ANKRD6: variants seen among roughly 807,000 people sequenced by gnomAD.
ANKRD6 encodes the protein ankyrin repeat domain 6, also known as ankyrin repeat domain-containing protein 6.
Under a neutral mutation model 82.3 loss-of-function variants are expected in ANKRD6, and 56 were observed. That is an observed-to-expected ratio of 0.68 (90% CI 0.55 to 0.85). The LOEUF (loss-of-function observed/expected upper bound fraction) is 0.85. Ranked by LOEUF, ANKRD6 falls within the 40% of genes least tolerant of loss-of-function variation. ANKRD6 has a pLI of 0.00. For synonymous variants in ANKRD6, 347 were observed against 352.1 expected (o/e 0.99, Z 0.16); for missense variants, 852 against 907.6 (o/e 0.94, Z 0.79).
intron 1 of ANKRD6, among the ~76,000 whole-genome samples, chr6:89,497,860 A>T (rs1194134141): frequency 6.6e-6 from 1 of 152,210 alleles, no homozygotes; most frequent in Non-Finnish European, 1.5e-5. Context: ...TCCTAATGCC[A>T]TTTAGTGATC....
At chr6:89,582,926 G>A (rs946331728) in intron 2 of ANKRD6, among the ~76,000 whole-genome samples, 2 of 152,214 alleles carry the variant, frequency 1.3e-5, no homozygotes, top group Admixed American at 6.5e-5. Context: ...CAACGGATGG[G>A]AGTTGCTATT....
At chr6:89,555,005 C>G (rs563589168) in intron 1 of ANKRD6, among the ~76,000 whole-genome samples, 39 of 151,584 alleles carry the variant, frequency 2.6e-4, no homozygotes, top group Admixed American at 1.1e-3. Flanking sequence ...ATTTCTCCCT[C>G]TCCGCCTCTC....
In ANKRD6 at chr6:89,613,880, A is replaced by C. The variant is rs766948650; in HGVS notation, c.605A>C (p.Glu202Ala). The C allele has an allele frequency of 1.2e-6, 2 of 1,613,926 alleles. No individual in the cohort carries two copies. Among genetic ancestry groups the C allele is most frequent in the Non-Finnish European group, 1.7e-6 (2 of 1,179,878 alleles). ...CTCACTGCTTTCTGTTCTGTCCATG[A>C]AAAGAACCAGGTCAGTGCATGTATT... ...LLLTAFCSVH[E>A]KNQAGDTALH... Residue 202 changes from glutamate (E) to alanine (A), a missense_variant, in exon 7 of 16, where the codon GAA (glutamate) becomes GCA (alanine). Coordinates refer to ENST00000339746, the MANE Select transcript of ANKRD6 (RefSeq NM_001242809.2).
At chr6:89,622,462 G>A (rs1803807353) in intron 10 of ANKRD6, among the ~76,000 whole-genome samples, 1 of 152,206 alleles carries the variant, frequency 6.6e-6, no homozygotes, top group Admixed American at 6.5e-5. Context: ...CTCGGGTGGG[G>A]CCCAGCAATC....
At chr6:89,630,299 C>T (rs561301518) in intron 15 of ANKRD6, 134 bp from the exon 16 acceptor site, 14 of 1,027,920 alleles carry the variant, frequency 1.4e-5, no homozygotes, top group Admixed American at 2.9e-5. Flanking sequence ...TCAGAGGAGA[C>T]GTTACACATG....
intron 1 of ANKRD6, among the ~76,000 whole-genome samples, chr6:89,493,449 A>T (rs1173730278): frequency 6.6e-6 from 1 of 151,708 alleles, no homozygotes; most frequent in Non-Finnish European, 1.5e-5. Context: ...TTGCTCTGTC[A>T]CCTAGTCTGG....
Position 89,624,015 on chromosome 6 carries a change from G to A in ANKRD6, c.1176G>A (p.Gln392=), listed in dbSNP as rs189116801. 874 of 1,607,390 alleles carry A rather than the reference G, an allele frequency of 5.4e-4. 7 individuals are homozygous for A. Among genetic ancestry groups the A allele is most frequent in the Non-Finnish European group, 2.9e-5 (34 of 1,175,134 alleles). ...PPPPHEFRAY[Q]LYTLYRGKDG... is the part of the protein sequence containing the mutation. ...CACCCCATGAGTTCAGGGCGTATCA[G>A]CTCTACACATTGTACCGGGGCAAGG... is the stretch of plus-strand genomic sequence containing the variant. Residue 392 remains glutamine, a synonymous_variant, in exon 12 of 16, where the codon CAG becomes CAA. Coordinates refer to ENST00000339746, the MANE Select transcript of ANKRD6 (RefSeq NM_001242809.2).
At chr6:89,592,401 T>C (rs1424067951) in intron 2 of ANKRD6, among the ~76,000 whole-genome samples, 1 of 152,142 alleles carries the variant, frequency 6.6e-6, no homozygotes, top group Non-Finnish European at 1.5e-5. Context: ...TTATTCCTAT[T>C]TTACAGATGA....
At chr6:89,475,136 A>C (rs1775890922) in intron 1 of ANKRD6, among the ~76,000 whole-genome samples, 1 of 152,176 alleles carries the variant, frequency 6.6e-6, no homozygotes, top group Non-Finnish European at 1.5e-5. Flanking sequence ...ATAATGAGAA[A>C]TTTGTCTCAC....
intron 1 of ANKRD6, among the ~76,000 whole-genome samples, chr6:89,442,878 C>G: frequency 6.6e-6 from 1 of 152,106 alleles, no homozygotes; most frequent in African/African-American, 2.4e-5. Flanking sequence ...CTGTTTAAAC[C>G]TTTAAAAGAT....
intron 1 of ANKRD6, among the ~76,000 whole-genome samples, chr6:89,441,300 G>A (rs1015389971): frequency 2.6e-5 from 4 of 152,094 alleles, no homozygotes; most frequent in African/African-American, 7.2e-5. Flanking sequence ...ACAGGCACCC[G>A]CCACCATGCC....
At chr6:89,568,616 G>A (rs1031714281) in intron 2 of ANKRD6, among the ~76,000 whole-genome samples, 1 of 152,098 alleles carries the variant, frequency 6.6e-6, no homozygotes, top group East Asian at 1.9e-4. Context: ...CCTTTAGGAA[G>A]TAATTAGGTT....
At chr6:89,455,117 T>TA (rs1773343716) in intron 1 of ANKRD6, among the ~76,000 whole-genome samples, 1 of 151,964 alleles carries the variant, frequency 6.6e-6, no homozygotes, top group South Asian at 2.1e-4. Flanking sequence ...GTGCTGGGAT[T>TA]ACAGGTGTGA....
chr6:89,498,528 T>TA (rs1562645631), intron 1 of ANKRD6, among the ~76,000 whole-genome samples: 17 of 149,422 alleles, frequency 1.1e-4, no homozygotes, highest in South Asian at 8.5e-4. Flanking sequence ...ATATATATAT[T>TA]TTTTTTTACC....
Position 89,629,229 on chromosome 6 carries a change from T to C in ANKRD6, c.1603T>C (p.Ser535Pro), listed in dbSNP as rs376184023. 3 of 1,613,838 alleles carry C rather than the reference T, an allele frequency of 1.9e-6. No homozygotes were observed. In the African/African-American group the frequency reaches 4.0e-5, roughly 22 times the overall value. ...TAAATCCACACCATCTACTTGTGAG[T>C]CCTCTACAGGTAACCCACACACAGA... ...RAKSTPSTCE[S>P]STGVDQLVVT... The change falls in exon 15 of 16, where the codon TCC (serine) becomes CCC (proline). Residue 535 changes from serine to proline, a missense_variant. Transcript: ENST00000339746.
chr6:89,532,662 G>T (rs1783312060), intron 1 of ANKRD6, among the ~76,000 whole-genome samples: 1 of 152,072 alleles, frequency 6.6e-6, no homozygotes, highest in Admixed American at 6.5e-5. Context: ...TTCAATGAAT[G>T]AAAGAACGTA....
chr6:89,498,577 G>C (rs1778914458), intron 1 of ANKRD6, among the ~76,000 whole-genome samples: 1 of 151,368 alleles, frequency 6.6e-6, no homozygotes, highest in South Asian at 2.1e-4. Context: ...GCCAAGTTTT[G>C]TTTTGTTTTA....
At chr6:89,531,106 T>C (rs1783086651) in intron 1 of ANKRD6, among the ~76,000 whole-genome samples, 1 of 152,172 alleles carries the variant, frequency 6.6e-6, no homozygotes, top group African/African-American at 2.4e-5. Context: ...CAGAGAGCTG[T>C]GTGTCTATGG....
At position 89,453,790 on chromosome 6, in the gene ANKRD6, A is replaced by G. The variant is rs924404900; in HGVS notation, c.-144+20415A>G. ...TTTATTTATTTAATATTTTTATTTT[A>G]TTTTATTTTATTTTATTTTTTAATT... On this transcript the variant is annotated intron_variant, in intron 1 of 15. Transcript: ENST00000339746. Among the ~76,000 whole-genome samples, 6 of 149,020 alleles carry G rather than the reference A, an allele frequency of 4.0e-5. No individual in the cohort carries two copies. In the East Asian group the frequency reaches 9.8e-4, roughly 24 times the overall value.
Sources: gnomAD v4.1 joint callset for allele counts (sites outside exome capture counted in the v4.1 genomes callset) on GRCh38, gnomAD v4.1.1 for gene constraint, MANE v1.5 for transcripts, NCBI Gene and HGNC (gene_info 2026-07-23, HGNC 2026-07-21) for gene names.